Variants in CLCN5 observed in about 807,000 individuals in gnomAD.
The protein encoded by CLCN5 is H(+)/Cl(-) exchange transporter 5.
Under a neutral mutation model 54.0 loss-of-function variants are expected in CLCN5, and 17 were observed. The ratio of observed to expected loss-of-function variants is 0.31; its 90% CI spans 0.22 to 0.47. The LOEUF (loss-of-function observed/expected upper bound fraction) is 0.47, where lower values mean the gene tolerates loss of function less well. CLCN5 is among the 20% of genes least tolerant of loss of function. The pLI, the probability that CLCN5 is intolerant of heterozygous loss-of-function variation, is 1.00. For missense variants in CLCN5, 448 were observed against 646.7 expected, an observed-to-expected ratio of 0.69 and a Z score of 3.33; for synonymous variants, 222 against 233.0, an observed-to-expected ratio of 0.95 and a Z score of 0.43.
At chrX:49,992,639 T>C (rs781801411) in intron 3 of CLCN5, among the ~76,000 whole-genome samples, 1 of 112,089 alleles carries the variant, frequency 8.9e-6, no homozygotes, top group African/African-American at 3.2e-5. Context: ...GACAATATGC[T>C]GAGTGTTCGG....
At chrX:49,950,204 C>T (rs1296946923) in intron 3 of CLCN5, among the ~76,000 whole-genome samples, 3 of 111,733 alleles carry the variant, frequency 2.7e-5, no homozygotes, top group Non-Finnish European at 3.8e-5. Flanking sequence ...CTCCATCTGG[C>T]TAGCACTTTG....
At position 50,032,593 on chromosome X, in the gene CLCN5, T is replaced by G. The variant is rs782305238; in HGVS notation, c.17-9723T>G. On this transcript the variant is annotated intron_variant, in intron 3 of 14. Coordinates refer to ENST00000376091, the MANE Select transcript of CLCN5 (RefSeq NM_001127898.4). Reference sequence around the variant, plus strand: ...TTTGTTTTTTTCTTGTAAATTTGTTTGAGTTCATTGTACATTCTGGATATT... The same window carrying G: ...TTTGTTTTTTTCTTGTAAATTTGTTGGAGTTCATTGTACATTCTGGATATT... Among the ~76,000 whole-genome samples the G allele has an allele frequency of 3.7e-4, 40 of 107,682 alleles. No individual in the cohort carries two copies. The East Asian group carries it at 0.011, about 30-fold the overall frequency. The allele number at this position is 107,682 out of a possible 115,157, so 93.5% of individuals were successfully genotyped here. A position where few individuals can be genotyped will look rare whatever the true frequency, so the allele number is the denominator to read the frequency against.
intron 3 of CLCN5, among the ~76,000 whole-genome samples, chrX:50,032,278 T>G (rs1449117613): frequency 4.8e-4 from 52 of 108,595 alleles, no homozygotes; most frequent in Non-Finnish European, 8.5e-4. Flanking sequence ...CGTTCTAGAT[T>G]CCTGAGGAAT....
chrX:50,041,373 T>C (rs1932208313), intron 3 of CLCN5, among the ~76,000 whole-genome samples: 1 of 111,541 alleles, frequency 9.0e-6, no homozygotes, highest in Non-Finnish European at 1.9e-5. Context: ...ACTAAATAAA[T>C]CAGTATACTA....
intron 3 of CLCN5, among the ~76,000 whole-genome samples, chrX:49,928,586 CTGTT>C (rs200908137): frequency 0.15 from 16,938 of 111,042 alleles, 1,129 homozygotes; most frequent in Admixed American, 0.26. Context: ...CTGTGGTTGT[CTGTT>C]TGGGTCTTTA....
chrX:50,048,872 A>G (rs1557188021), intron 4 of CLCN5, among the ~76,000 whole-genome samples: 1 of 111,532 alleles, frequency 9.0e-6, no homozygotes, highest in African/African-American at 3.3e-5. Context: ...TAGCCAATGC[A>G]GTAAGGAAAT....
intron 4 of CLCN5, among the ~76,000 whole-genome samples, chrX:50,066,615 G>A (rs782483470): frequency 1.8e-5 from 2 of 111,366 alleles, no homozygotes; most frequent in South Asian, 3.8e-4. Flanking sequence ...TTTCTTTACC[G>A]GACTGACCTT....
intron 3 of CLCN5, among the ~76,000 whole-genome samples, chrX:49,933,879 A>G: frequency 8.9e-6 from 1 of 111,895 alleles, no homozygotes; most frequent in Non-Finnish European, 1.9e-5. Flanking sequence ...TGGCATGAAA[A>G]ATAAAATTAG....
At chrX:49,954,452 C>T (rs1288999368) in intron 3 of CLCN5, among the ~76,000 whole-genome samples, 3 of 111,389 alleles carry the variant, frequency 2.7e-5, no homozygotes, top group African/African-American at 9.8e-5. Flanking sequence ...GATTGGACAC[C>T]CCTGTTCTAG....
chrX:50,086,185 C>A, intron 10 of CLCN5, 125 bp downstream of exon 10: 1 of 869,981 alleles, frequency 1.1e-6, no homozygotes, highest in Non-Finnish European at 1.7e-6. Context: ...GTGCTCTCCC[C>A]AACTTGGTGC....
intron 3 of CLCN5, among the ~76,000 whole-genome samples, chrX:49,952,553 T>A (rs1392985626): frequency 9.1e-6 from 1 of 109,297 alleles, no homozygotes; most frequent in Admixed American, 9.8e-5. Context: ...CCCATTAACA[T>A]AGAATATGAT....
At chrX:50,045,359 A>G (rs1303122576) in intron 4 of CLCN5, among the ~76,000 whole-genome samples, 1 of 112,067 alleles carries the variant, frequency 8.9e-6, no homozygotes, top group Non-Finnish European at 1.9e-5. Flanking sequence ...TTATAACCAT[A>G]CTGAGTCAGT....
chrX:50,027,613 C>T (rs941448314), intron 3 of CLCN5, among the ~76,000 whole-genome samples: 4 of 111,632 alleles, frequency 3.6e-5, no homozygotes, highest in Non-Finnish European at 5.6e-5. Context: ...TCTGCTCTTG[C>T]GTGTTGTCCA....
At chrX:49,933,983 G>A (rs1557169224) in intron 3 of CLCN5, among the ~76,000 whole-genome samples, 3 of 111,307 alleles carry the variant, frequency 2.7e-5, no homozygotes, top group Non-Finnish European at 5.6e-5. Context: ...CTGAGGCCCA[G>A]TGAGACTTAT....
chrX:49,943,936 G>A (rs868952187), intron 3 of CLCN5, among the ~76,000 whole-genome samples: 15 of 111,651 alleles, frequency 1.3e-4, no homozygotes, highest in South Asian at 7.4e-4. Flanking sequence ...CCAATTCTGT[G>A]AAGAAAGTCA....
chrX:49,957,454 C>T (rs1230434575), intron 3 of CLCN5, among the ~76,000 whole-genome samples: 2 of 112,159 alleles, frequency 1.8e-5, no homozygotes, highest in Non-Finnish European at 3.8e-5. Context: ...TATTTTTTCA[C>T]TAGATAATTT....
intron 3 of CLCN5, among the ~76,000 whole-genome samples, chrX:49,927,980 G>A (rs964252079): frequency 8.9e-6 from 1 of 111,868 alleles, no homozygotes; most frequent in Admixed American, 9.5e-5. Flanking sequence ...GTAGAAAGTC[G>A]AATGGTGGTT....
intron 3 of CLCN5, among the ~76,000 whole-genome samples, chrX:49,947,474 G>A (rs1169737071): frequency 1.8e-5 from 2 of 110,829 alleles, no homozygotes; most frequent in African/African-American, 6.6e-5. Context: ...CCTAGGATAT[G>A]AGTATACTTT....
chrX:50,099,174 C>G lies in CLCN5; in HGVS notation c.*6955C>G, dbSNP rs186369163. The G allele has an allele frequency of 2.6e-3, 297 of 112,639 alleles. 2 individuals are homozygous for G. The highest frequency in any genetic ancestry group is 2.2e-3 in the Non-Finnish European group (117 of 53,240). 9.3% of individuals were successfully genotyped at this position (112,639 alleles called of 1,213,427 possible). A position where few individuals can be genotyped will look rare whatever the true frequency, so the allele number is the denominator to read the frequency against. On this transcript the variant is annotated 3_prime_UTR_variant, in exon 15 of 15. Transcript: ENST00000376091. ...AAACCCAGGTCGCCATTGCTTTATA[C>G]ATTTTCACTTAGCACAGATTTGTAA... is the stretch of plus-strand genomic sequence containing the variant.
Sources: allele counts gnomAD v4.1 joint callset (sites outside exome capture counted in the v4.1 genomes callset), GRCh38; gene constraint gnomAD v4.1.1; transcripts MANE v1.5; gene names NCBI Gene and HGNC (gene_info 2026-07-23, HGNC 2026-07-21).